CRACR2A: variants seen among roughly 807,000 people sequenced by gnomAD.
CRACR2A encodes EF-hand calcium-binding domain-containing protein 4B.
A neutral mutation model predicts 90.5 loss-of-function variants in CRACR2A; 79 were observed. The observed-to-expected ratio is 0.87, with a 90% confidence interval of 0.73 to 1.05. The LOEUF is 1.05. Ranked by LOEUF, CRACR2A falls within the 50% of genes least tolerant of loss-of-function variation. The pLI is 0.00. For synonymous variants in CRACR2A, 338 were observed against 356.7 expected (o/e 0.95, Z 0.59); for missense variants, 823 against 897.2 (o/e 0.92, Z 1.06).
At chr12:3,645,090 G>A (rs180913209) in intron 11 of CRACR2A, among the ~76,000 whole-genome samples, 22 of 152,306 alleles carry the variant, frequency 1.4e-4, no homozygotes, top group African/African-American at 4.8e-4. Flanking sequence ...AGCCATCAAG[G>A]TCACACCAAT....
At chr12:3,655,792 C>A (rs1944893656) in intron 9 of CRACR2A, among the ~76,000 whole-genome samples, 1 of 152,192 alleles carries the variant, frequency 6.6e-6, no homozygotes. Flanking sequence ...ATCCTTCCTG[C>A]AGGGATGGAA....
intron 6 of CRACR2A, among the ~76,000 whole-genome samples, chr12:3,678,372 T>C (rs1482257651): frequency 6.6e-6 from 1 of 152,182 alleles, no homozygotes; most frequent in East Asian, 1.9e-4. Context: ...CCACCTTGGC[T>C]TCCTGCACAA....
intron 1 of CRACR2A, among the ~76,000 whole-genome samples, chr12:3,752,212 G>A (rs1460134531): frequency 1.3e-5 from 2 of 152,190 alleles, no homozygotes; most frequent in Admixed American, 6.5e-5. Flanking sequence ...GAGCCAAACA[G>A]GGCAGGTTCC....
intron 6 of CRACR2A, among the ~76,000 whole-genome samples, chr12:3,674,516 G>C (rs1945306934): frequency 6.6e-6 from 1 of 152,202 alleles, no homozygotes; most frequent in Non-Finnish European, 1.5e-5. Flanking sequence ...AAATCTGAAA[G>C]AGGATAGGTT....
At chr12:3,690,796 G>GTCTCTT (rs1945638026) in intron 4 of CRACR2A, among the ~76,000 whole-genome samples, 1 of 152,202 alleles carries the variant, frequency 6.6e-6, no homozygotes, top group Admixed American at 6.5e-5. Flanking sequence ...GGGAGTCTAA[G>GTCTCTT]TCTCTTTGAA....
chr12:3,713,931 C>T (rs143374277), intron 2 of CRACR2A, among the ~76,000 whole-genome samples: 8 of 152,292 alleles, frequency 5.3e-5, no homozygotes, highest in Non-Finnish European at 1.2e-4. Flanking sequence ...TTACAGAATG[C>T]TTTGGCCACA....
intron 10 of CRACR2A, among the ~76,000 whole-genome samples, chr12:3,651,278 C>T (rs1011318606): frequency 6.6e-6 from 1 of 152,246 alleles, no homozygotes; most frequent in African/African-American, 2.4e-5. Flanking sequence ...TGTGTGTATG[C>T]ATGCGTGTGC....
intron 4 of CRACR2A, among the ~76,000 whole-genome samples, chr12:3,691,507 G>C (rs933865897): frequency 3.3e-5 from 5 of 152,162 alleles, no homozygotes; most frequent in Non-Finnish European, 7.4e-5. Context: ...CTACCGAGAA[G>C]TCTGCTGTTA....
At chr12:3,741,174 A>AG (rs1946519623) in intron 1 of CRACR2A, among the ~76,000 whole-genome samples, 2 of 152,232 alleles carry the variant, frequency 1.3e-5, no homozygotes, top group South Asian at 2.1e-4. Flanking sequence ...ACTCTATTTC[A>AG]GGGGGGTCTC....
chr12:3,616,854 G>T (rs1046308374), intron 19 of CRACR2A, 100 bp downstream of exon 19: 3 of 920,182 alleles, frequency 3.3e-6, no homozygotes, highest in Non-Finnish European at 5.2e-6. Context: ...AGGAAGGGGG[G>T]TCAGAGGTGT....
At chr12:3,719,755 T>TAG (rs1809552221) in intron 2 of CRACR2A, among the ~76,000 whole-genome samples, 2 of 152,206 alleles carry the variant, frequency 1.3e-5, no homozygotes, top group South Asian at 4.1e-4. Context: ...TGAATGGACT[T>TAG]ATCTCTCTTA....
At chr12:3,643,869 ATTATATATATTTATAT>A (rs1944630155) in intron 12 of CRACR2A, among the ~76,000 whole-genome samples, 1 of 55,604 alleles carries the variant, frequency 1.8e-5, no homozygotes, top group Non-Finnish European at 3.1e-5. Flanking sequence ...TATTATATAT[ATTATATATATTTATAT>A]TAATATATAA....
At chr12:3,673,376 G>A in intron 7 of CRACR2A, 70 bp downstream of exon 7, 1 of 1,540,760 alleles carries the variant, frequency 6.5e-7, no homozygotes, top group Non-Finnish European at 8.7e-7. Flanking sequence ...GAAGATCTAA[G>A]AGAAAGTGCA....
chr12:3,702,760 G>A (rs1440498971), intron 3 of CRACR2A, among the ~76,000 whole-genome samples: 1 of 152,096 alleles, frequency 6.6e-6, no homozygotes, highest in Non-Finnish European at 1.5e-5. Context: ...ATCCCACCAG[G>A]CTTATTTGTA....
At chr12:3,640,827 G>A (rs920387500) in intron 13 of CRACR2A, 1 of 1,302,778 alleles carries the variant, frequency 7.7e-7, no homozygotes. Context: ...CAGGGGACTG[G>A]TTTGTCTCTC....
In CRACR2A at chr12:3,627,648, C is replaced by T. The variant is rs1164709237; in HGVS notation, c.1794G>A (p.Leu598=). 6.4e-7 allele frequency: 1 copy of T among 1,551,800 alleles called. No individual in the cohort carries two copies. The highest frequency in any genetic ancestry group is 2.0e-5 in the Admixed American group (1 of 51,010). Reference sequence around the variant, plus strand: ...ACCTCTCCTGCCCAGCCGTGTCCCACAGCTGCAGGGCCACCTGAGAGTTGT... The same window carrying T: ...ACCTCTCCTGCCCAGCCGTGTCCCATAGCTGCAGGGCCACCTGAGAGTTGT... ...NVDNSQVALQ[L]WDTAGQERYR... The change falls in exon 16 of 20, where the codon CTG becomes CTA. Residue 598 remains leucine, a synonymous_variant. Transcript: ENST00000440314.
intron 2 of CRACR2A, among the ~76,000 whole-genome samples, chr12:3,720,115 A>G (rs1946133434): frequency 7.3e-6 from 1 of 137,912 alleles, no homozygotes; most frequent in Non-Finnish European, 1.6e-5. Flanking sequence ...GCGAAACTCT[A>G]TCTCAAGAAA....
intron 1 of CRACR2A, among the ~76,000 whole-genome samples, chr12:3,745,131 C>A (rs1343060850): frequency 1.3e-5 from 2 of 152,090 alleles, no homozygotes; most frequent in African/African-American, 4.8e-5. Context: ...ACACCAAAGG[C>A]CCTGTGAGTC....
intron 3 of CRACR2A, among the ~76,000 whole-genome samples, chr12:3,712,715 C>T (rs1483906592): frequency 6.6e-6 from 1 of 152,090 alleles, no homozygotes; most frequent in Non-Finnish European, 1.5e-5. Flanking sequence ...TATTACTATC[C>T]CATGGGAAGT....
Sources: gnomAD v4.1 joint callset for allele counts (sites outside exome capture counted in the v4.1 genomes callset) on GRCh38, gnomAD v4.1.1 for gene constraint, MANE v1.5 for transcripts, NCBI Gene and HGNC (gene_info 2026-07-23, HGNC 2026-07-21) for gene names.